ANKRD44: variants seen among roughly 807,000 people sequenced by gnomAD.
The protein encoded by ANKRD44 is serine/threonine-protein phosphatase 6 regulatory ankyrin repeat subunit B.
In ANKRD44, 35 loss-of-function variants were observed where a neutral mutation model predicts 116.0. The observed-to-expected ratio is 0.30, with a 90% confidence interval of 0.23 to 0.40. The LOEUF is 0.40. Ranked by LOEUF, ANKRD44 falls within the 10% of genes least tolerant of loss-of-function variation. The probability of loss-of-function intolerance (pLI) is 1.00; values close to 1 mark genes in which losing one functional copy is unlikely to be tolerated. For synonymous variants in ANKRD44, 435 were observed against 461.8 expected, an observed-to-expected ratio of 0.94 and a Z score of 0.74; for missense variants, 1,014 against 1,242.6, an observed-to-expected ratio of 0.82 and a Z score of 2.77.
At chr2:197,121,614 A>C (rs1038907275) in intron 7 of ANKRD44, 70 bp from the exon 8 acceptor site, 6 of 1,341,046 alleles carry the variant, frequency 4.5e-6, no homozygotes, top group Middle Eastern at 1.9e-4. Context: ...CACAAAAAGC[A>C]TAACGGCTGT....
At chr2:197,216,324 C>T (rs1275962288) in intron 1 of ANKRD44, among the ~76,000 whole-genome samples, 2 of 152,186 alleles carry the variant, frequency 1.3e-5, no homozygotes, top group African/African-American at 4.8e-5. Context: ...GCAATATTTC[C>T]TCCATAATTC....
chr2:197,188,637 G>A (rs966612194), intron 1 of ANKRD44, among the ~76,000 whole-genome samples: 7 of 152,156 alleles, frequency 4.6e-5, no homozygotes, highest in African/African-American at 1.7e-4. Context: ...ATGAGAAAAT[G>A]TCCTCTAACC....
chr2:197,156,233 C>G (rs1019968751), intron 2 of ANKRD44, among the ~76,000 whole-genome samples: 8 of 152,088 alleles, frequency 5.3e-5, no homozygotes, highest in Non-Finnish European at 7.4e-5. Context: ...GTAGTCCCAG[C>G]TACTCAGGAG....
chr2:197,150,952 A>T lies in ANKRD44; in HGVS notation c.112-3847T>A, dbSNP rs138588197. Among the ~76,000 whole-genome samples the T allele has an allele frequency of 4.6e-5, 7 of 152,302 alleles. No individual in the cohort carries two copies. In the East Asian group the frequency reaches 1.3e-3, roughly 29 times the overall value. Reference sequence around the variant, plus strand: ...AAACACTCACGTAGGCAGATGGCAAAGAGATGCCTTGTCCCGGGTTCTTGG... The same window carrying T: ...AAACACTCACGTAGGCAGATGGCAATGAGATGCCTTGTCCCGGGTTCTTGG... On this transcript the variant is annotated intron_variant, in intron 2 of 27. Coordinates refer to ENST00000282272, the MANE Select transcript of ANKRD44 (RefSeq NM_001195144.2).
chr2:197,301,895 G>A (rs1047420219), intron 1 of ANKRD44, among the ~76,000 whole-genome samples: 2 of 152,180 alleles, frequency 1.3e-5, no homozygotes, highest in Admixed American at 1.3e-4. Context: ...ATGGTATGAG[G>A]GATTTACACT....
intron 1 of ANKRD44, among the ~76,000 whole-genome samples, chr2:197,226,297 A>G (rs1392725309): frequency 6.6e-6 from 1 of 152,238 alleles, no homozygotes; most frequent in Non-Finnish European, 1.5e-5. Context: ...GTGTATCCAC[A>G]CCAATTAACT....
chr2:197,187,318 G>C (rs1243073491), intron 1 of ANKRD44, among the ~76,000 whole-genome samples: 1 of 152,156 alleles, frequency 6.6e-6, no homozygotes, highest in East Asian at 1.9e-4. Flanking sequence ...CTGAAAGCCA[G>C]GCCAGATAGT....
At chr2:197,015,423 T>C in intron 17 of ANKRD44, 1 of 539,386 alleles carries the variant, frequency 1.9e-6, no homozygotes, top group South Asian at 1.9e-5. Flanking sequence ...ATGCTACAGT[T>C]GATAAAACTG....
intron 1 of ANKRD44, among the ~76,000 whole-genome samples, chr2:197,271,390 AG>A (rs2082895221): frequency 6.6e-6 from 1 of 152,236 alleles, no homozygotes; most frequent in South Asian, 2.1e-4. Flanking sequence ...GTGGGCCCTC[AG>A]CAGACACTGA....
rs1234492630 is a variant in ANKRD44 at position 197,013,709 on chromosome 2, A to G, written c.1726T>C (p.Tyr576His). Reference sequence around the variant, plus strand: ...TCCAAGGCTTGATGGTGCCCATTGTAGGCCTGCAAAGAAGAAACCAATGGC... The same window carrying G: ...TCCAAGGCTTGATGGTGCCCATTGTGGGCCTGCAAAGAAGAAACCAATGGC... ...ATKSPLHLAA[Y>H]NGHHQALEVL... Residue 576 changes from tyrosine (Y) to histidine (H), a missense_variant, in exon 18 of 28, where the codon TAC becomes CAC. Physicochemically the swap from Tyr to His is moderately conservative, Grantham distance 83. Coordinates refer to ENST00000282272, the MANE Select transcript of ANKRD44 (RefSeq NM_001195144.2). 4 of 1,612,574 alleles carry G rather than the reference A, an allele frequency of 2.5e-6. No individual in the cohort carries two copies. Among genetic ancestry groups the G allele is most frequent in the Non-Finnish European group, 3.4e-6 (4 of 1,180,022 alleles).
intron 7 of ANKRD44, among the ~76,000 whole-genome samples, chr2:197,122,346 T>C (rs1328587117): frequency 1.3e-5 from 2 of 152,182 alleles, no homozygotes; most frequent in East Asian, 3.8e-4. Context: ...AGGCTACATT[T>C]GGAAGGTGGG....
At chr2:197,106,850 A>C (rs999623007) in intron 9 of ANKRD44, among the ~76,000 whole-genome samples, 3 of 151,004 alleles carry the variant, frequency 2.0e-5, no homozygotes, top group South Asian at 2.1e-4. Context: ...TGGAAAAATA[A>C]AAGACAGACT....
intron 14 of ANKRD44, among the ~76,000 whole-genome samples, chr2:197,082,610 T>C (rs974571736): frequency 2.6e-5 from 4 of 152,368 alleles, no homozygotes; most frequent in African/African-American, 9.6e-5. Flanking sequence ...TACTTCTCAC[T>C]GTGGGTCACC....
chr2:197,247,801 C>T (rs531785438), intron 1 of ANKRD44, among the ~76,000 whole-genome samples: 1 of 152,258 alleles, frequency 6.6e-6, no homozygotes, highest in Admixed American at 6.5e-5. Flanking sequence ...GTCTCTTCCC[C>T]ACACATACAG....
intron 16 of ANKRD44, among the ~76,000 whole-genome samples, chr2:197,064,612 C>A (rs2077391183): frequency 6.6e-6 from 1 of 151,912 alleles, no homozygotes; most frequent in East Asian, 1.9e-4. Context: ...GGAAGATCTA[C>A]CAAGAAAATG....
intron 3 of ANKRD44, among the ~76,000 whole-genome samples, chr2:197,140,535 G>C (rs2079336737): frequency 6.6e-6 from 1 of 151,686 alleles, no homozygotes; most frequent in Non-Finnish European, 1.5e-5. Context: ...TTCTCACGCT[G>C]GTCTCAAACT....
intron 2 of ANKRD44, chr2:197,147,859 G>A (rs2079545390): frequency 2.2e-6 from 1 of 455,442 alleles, no homozygotes; most frequent in Non-Finnish European, 4.4e-6. Context: ...TTGACATTAA[G>A]GCTGAGAGCT....
chr2:197,183,047 G>A (rs1023644741), intron 2 of ANKRD44, among the ~76,000 whole-genome samples: 1 of 152,190 alleles, frequency 6.6e-6, no homozygotes, highest in Non-Finnish European at 1.5e-5. Context: ...AGTGAGAAAA[G>A]GGTGAGAGAA....
chr2:197,141,948 T>C (rs1353589206), intron 3 of ANKRD44, among the ~76,000 whole-genome samples: 3 of 152,198 alleles, frequency 2.0e-5, no homozygotes, highest in Non-Finnish European at 2.9e-5. Flanking sequence ...TTCACATTAT[T>C]TACCTGCCTG....
Sources: allele counts gnomAD v4.1 joint callset (sites outside exome capture counted in the v4.1 genomes callset), GRCh38; gene constraint gnomAD v4.1.1; transcripts MANE v1.5; gene names NCBI Gene and HGNC (gene_info 2026-07-23, HGNC 2026-07-21).